Variants in RBMS3 observed in about 807,000 individuals in gnomAD.
RBMS3 encodes RNA-binding motif, single-stranded-interacting protein 3.
Under a neutral mutation model 66.8 loss-of-function variants are expected in RBMS3, and 27 were observed. The ratio of observed to expected loss-of-function variants is 0.40; its 90% confidence interval spans 0.30 to 0.56. The LOEUF is 0.56. Ranked by LOEUF, RBMS3 falls within the 20% of genes least tolerant of loss-of-function variation. The pLI, the probability that RBMS3 is intolerant of heterozygous loss-of-function variation, is 0.40. For synonymous variants in RBMS3, 188 were observed against 183.0 expected, an observed-to-expected ratio of 1.03 and a Z score of -0.22; for missense variants, 513 against 549.5, an observed-to-expected ratio of 0.93 and a Z score of 0.66.
chr3:29,377,765 T>C (rs1363198440), intron 1 of RBMS3, among the ~76,000 whole-genome samples: 1 of 152,184 alleles, frequency 6.6e-6, no homozygotes. Context: ...ATGACAGATA[T>C]TGGGCAAACT....
At chr3:29,366,717 G>T (rs1450211159) in intron 1 of RBMS3, among the ~76,000 whole-genome samples, 1 of 152,114 alleles carries the variant, frequency 6.6e-6, no homozygotes, top group Non-Finnish European at 1.5e-5. Context: ...CGGTATCTCT[G>T]GGGCCAAGAG....
chr3:29,355,228 T>C lies in RBMS3; in HGVS notation c.75+73472T>C, dbSNP rs114951334. Among the ~76,000 whole-genome samples, 743 of 152,260 alleles carry C rather than the reference T, an allele frequency of 4.9e-3. 7 individuals carry two copies. Among genetic ancestry groups the C allele is most frequent in the African/African-American group, 0.016 (673 of 41,570 alleles). ...TGTCATCATAATGCCTGGTAGGTAA[T>C]AGGGAATACATAACTGGTTTTCACT... On this transcript the variant is annotated intron_variant, in intron 1 of 14. Transcript: ENST00000383767.
intron 6 of RBMS3, among the ~76,000 whole-genome samples, chr3:29,839,989 A>G (rs1427027464): frequency 6.6e-6 from 1 of 152,034 alleles, no homozygotes; most frequent in Admixed American, 6.6e-5. Context: ...AAGATTATGC[A>G]GGAATATTTC....
chr3:29,864,032 G>A (rs528618771), intron 6 of RBMS3, among the ~76,000 whole-genome samples: 1 of 152,266 alleles, frequency 6.6e-6, no homozygotes, highest in Non-Finnish European at 1.5e-5. Flanking sequence ...GGTAACAAAA[G>A]GTAGAGATGG....
chr3:30,003,982 G>GTTT lies in RBMS3; in HGVS notation c.*128_*130dup. 4.1e-6 allele frequency: 3 copies of GTTT among 730,008 alleles called. No individual in the cohort carries two copies. Among genetic ancestry groups the GTTT allele is most frequent in the Non-Finnish European group, 3.9e-6 (2 of 517,516 alleles). 45.2% of individuals were successfully genotyped at this position (730,008 alleles called of 1,614,324 possible). On this transcript the variant is annotated 3_prime_UTR_variant, in exon 15 of 15. Transcript: ENST00000383767. The stretch of plus-strand genomic sequence containing the variant: ...AATGCATTTTTTTGTTGTTGTTGTT[G>GTTT]TTTTTTTTTTAGTGTTATACCTTAC...
At chr3:29,282,522 C>A (rs1352885044) in intron 1 of RBMS3, among the ~76,000 whole-genome samples, 1 of 152,032 alleles carries the variant, frequency 6.6e-6, no homozygotes, top group Non-Finnish European at 1.5e-5. Context: ...CAGAGGCAAG[C>A]CCACGTAAGT....
intron 6 of RBMS3, among the ~76,000 whole-genome samples, chr3:29,862,478 C>T (rs2059239104): frequency 6.6e-6 from 1 of 152,148 alleles, no homozygotes; most frequent in Non-Finnish European, 1.5e-5. Context: ...TAAATTAATC[C>T]TGTCAAAGGA....
Position 29,281,336 on chromosome 3 carries a change from G to C in RBMS3, c.-346G>C. On this transcript the variant is annotated 5_prime_UTR_variant, in exon 1 of 15. Transcript: ENST00000383767. ...ATTTTTTTCCCCCTTTACGAACGCT[G>C]GCAATTGACATCACTACAGACAGCC... The C allele has an allele frequency of 3.4e-6, 1 of 296,190 alleles. No homozygotes were observed. 18.3% of individuals were successfully genotyped at this position (296,190 alleles called of 1,614,324 possible).
intron 6 of RBMS3, among the ~76,000 whole-genome samples, chr3:29,853,601 T>C (rs1454917000): frequency 6.6e-6 from 1 of 152,018 alleles, no homozygotes; most frequent in Non-Finnish European, 1.5e-5. Context: ...GCTACTTCTT[T>C]ACTTCCTGTT....
intron 6 of RBMS3, among the ~76,000 whole-genome samples, chr3:29,804,426 A>G (rs568972719): frequency 6.6e-6 from 1 of 152,220 alleles, no homozygotes; most frequent in South Asian, 2.1e-4. Flanking sequence ...ATACATGCCA[A>G]GTAACTCAGA....
chr3:29,400,096 T>A (rs1347664075), intron 1 of RBMS3, among the ~76,000 whole-genome samples: 5 of 152,090 alleles, frequency 3.3e-5, no homozygotes, highest in African/African-American at 1.2e-4. Flanking sequence ...ATAAATTTTT[T>A]AAATGTCTAC....
intron 1 of RBMS3, among the ~76,000 whole-genome samples, chr3:29,420,538 A>C (rs2040667947): frequency 6.7e-6 from 1 of 148,960 alleles, no homozygotes; most frequent in Non-Finnish European, 1.5e-5. Flanking sequence ...TAAAGGTAAA[A>C]ATCAGTGGTG....
At chr3:29,983,232 CCG>C (rs1491169943) in intron 12 of RBMS3, among the ~76,000 whole-genome samples, 7,842 of 141,482 alleles carry the variant, frequency 0.055, 752 homozygotes, top group African/African-American at 0.2. Context: ...ATTGCAACCC[CCG>C]CCCCCTTTTT....
intron 2 of RBMS3, among the ~76,000 whole-genome samples, chr3:29,444,655 A>G (rs1286349209): frequency 2.6e-5 from 4 of 151,960 alleles, no homozygotes; most frequent in Non-Finnish European, 5.9e-5. Context: ...GAGAAGTTAC[A>G]TTTGGGTTTG....
intron 7 of RBMS3, among the ~76,000 whole-genome samples, chr3:29,881,076 T>C (rs889409981): frequency 1.3e-5 from 2 of 152,054 alleles, no homozygotes; most frequent in Non-Finnish European, 2.9e-5. Flanking sequence ...TTGAGTCTTA[T>C]TTCCCACTCT....
At chr3:29,950,576 C>T (rs1324552793) in intron 12 of RBMS3, among the ~76,000 whole-genome samples, 5 of 151,764 alleles carry the variant, frequency 3.3e-5, no homozygotes, top group Non-Finnish European at 5.9e-5. Context: ...CAGAGGCATG[C>T]GAGAGACATC....
chr3:29,317,448 TC>T (rs2034750390), intron 1 of RBMS3, among the ~76,000 whole-genome samples: 1 of 151,680 alleles, frequency 6.6e-6, no homozygotes, highest in Non-Finnish European at 1.5e-5. Flanking sequence ...TCTCACCTAT[TC>T]TATCATTATT....
intron 4 of RBMS3, among the ~76,000 whole-genome samples, chr3:29,628,933 G>T (rs2049172993): frequency 6.6e-6 from 1 of 151,980 alleles, no homozygotes; most frequent in South Asian, 2.1e-4. Context: ...CACACAGTGT[G>T]CTCAGCTGTG....
At chr3:29,796,313 C>G (rs1039209759) in intron 6 of RBMS3, among the ~76,000 whole-genome samples, 2 of 152,176 alleles carry the variant, frequency 1.3e-5, no homozygotes, top group African/African-American at 4.8e-5. Flanking sequence ...ACCACATCTT[C>G]AGAGACTTCC....
Sources: allele counts gnomAD v4.1 joint callset (sites outside exome capture counted in the v4.1 genomes callset), GRCh38; gene constraint gnomAD v4.1.1; transcripts MANE v1.5; gene names NCBI Gene and HGNC (gene_info 2026-07-23, HGNC 2026-07-21).